Variants in KNL1 observed in about 807,000 individuals in gnomAD.
KNL1 encodes the protein kinetochore scaffold 1.
A neutral mutation model predicts 201.3 loss-of-function variants in KNL1; 66 were observed. That is an observed-to-expected ratio of 0.33 (90% CI 0.27 to 0.40). The LOEUF (loss-of-function observed/expected upper bound fraction) is 0.40, where lower values mean the gene tolerates loss of function less well. Among genes scored for constraint, KNL1 ranks in the 10% least tolerant of loss-of-function variants. The pLI, the probability that KNL1 is intolerant of heterozygous loss-of-function variation, is 1.00. For synonymous variants in KNL1, 895 were observed against 899.2 expected (o/e 1.00, Z 0.08); for missense variants, 2,815 against 2,690.5 (o/e 1.05, Z -1.02).
intron 1 of KNL1, among the ~76,000 whole-genome samples, chr15:40,599,399 C>G (rs563250455): frequency 2.7e-4 from 40 of 150,308 alleles, no homozygotes; most frequent in African/African-American, 8.3e-4. Flanking sequence ...TCCCCCACCC[C>G]CCGAGACAGG....
rs542703394 is a variant in KNL1, at chr15:40,596,765, C to T, written c.-18+2373C>T. Among the ~76,000 whole-genome samples the T allele has an allele frequency of 2.6e-5, 4 of 151,830 alleles. No homozygotes were observed. The South Asian group carries it at 6.3e-4, about 24-fold the overall frequency. ...CCTGTAATCCCAGCACTTTGGGAGG[C>T]CGAGGCAGGCAGATCACCTGAGATC... On this transcript the variant is annotated intron_variant, in intron 1 of 25. Coordinates refer to ENST00000399668, the MANE Select transcript of KNL1 (RefSeq NM_144508.5).
intron 17 of KNL1, among the ~76,000 whole-genome samples, chr15:40,647,660 C>T (rs1177760292): frequency 6.6e-6 from 1 of 151,946 alleles, no homozygotes; most frequent in Non-Finnish European, 1.5e-5. Context: ...TTTCATAATC[C>T]CAACTTTTTA....
chr15:40,650,464 CAG>C, intron 18 of KNL1, 78 bp from the exon 19 acceptor site: 3 of 1,560,032 alleles, frequency 1.9e-6, no homozygotes, highest in Non-Finnish European at 2.6e-6. Context: ...GAGATTAAGT[CAG>C]AATTTTCAAT....
intron 3 of KNL1, among the ~76,000 whole-genome samples, chr15:40,606,114 A>G (rs2141700999): frequency 6.6e-6 from 1 of 152,324 alleles, no homozygotes; most frequent in African/African-American, 2.4e-5. Flanking sequence ...AGATTGTTCT[A>G]GACAGAGCTA....
chr15:40,598,143 T>G (rs7178486), intron 1 of KNL1, among the ~76,000 whole-genome samples: 1 of 149,284 alleles, frequency 6.7e-6, no homozygotes, highest in Non-Finnish European at 1.5e-5. Flanking sequence ...CATTGCTCTC[T>G]AGCCTGGGCA....
chr15:40,612,349 G>A (rs149240635), intron 7 of KNL1, among the ~76,000 whole-genome samples: 1 of 149,722 alleles, frequency 6.7e-6, no homozygotes, highest in African/African-American at 2.5e-5. Context: ...AAATTAGCCA[G>A]GTATGGTGGC....
chr15:40,622,693 A>T lies in KNL1; in HGVS notation c.2429A>T (p.Lys810Ile). The T allele has an allele frequency of 6.3e-7, 1 of 1,591,666 alleles. No homozygotes were observed. The change falls in exon 10 of 26, where the codon AAA (lysine) becomes ATA (isoleucine). Residue 810 changes from lysine (K) to isoleucine (I), a missense_variant. Coordinates refer to ENST00000399668, the MANE Select transcript of KNL1 (RefSeq NM_144508.5). ...GCTGTAAAAGTTGAAAAATGTGGTA[A>T]AAGTCCCATAGAAAAAAGTGGAGTG... ...QIAVKVEKCGKSPIEKSGVLK... is the reference protein window; with the variant it reads ...QIAVKVEKCGISPIEKSGVLK...
chr15:40,599,191 G>A (rs1891707326), intron 1 of KNL1, among the ~76,000 whole-genome samples: 1 of 151,014 alleles, frequency 6.6e-6, no homozygotes, highest in Admixed American at 6.6e-5. Flanking sequence ...GGTGGCGGGT[G>A]CCTATAGTCC....
Position 40,623,725 on chromosome 15 carries a change from C to T in KNL1, c.3461C>T (p.Thr1154Ile), listed in dbSNP as rs748388890. 2.5e-6 allele frequency: 4 copies of T among 1,613,842 alleles called. No individual in the cohort carries two copies. The highest frequency in any genetic ancestry group is 3.4e-6 in the Non-Finnish European group (4 of 1,179,912). Residue 1154 changes from threonine (T) to isoleucine (I), a missense_variant, in exon 10 of 26, where the codon ACC becomes ATC. Around this residue, in one of 3 missense-constraint regions of KNL1, gnomAD observed 2,464 missense variants for 2,291.7 expected, o/e 1.08. Coordinates refer to ENST00000399668, the MANE Select transcript of KNL1 (RefSeq NM_144508.5). The part of the protein sequence containing the change: ...NEIAIRPMDK[T>I]VLFTDNYSDL... ...ATAGCTATTAGGCCCATGGACAAAA[C>T]CGTATTGTTCACAGATAATTACAGT... is the stretch of plus-strand genomic sequence containing the variant.
At position 40,660,664 on chromosome 15, in the gene KNL1, C is replaced by CAAA. The variant is rs35985022; in HGVS notation, c.6836+1222_6836+1224dup. Among the ~76,000 whole-genome samples the CAAA allele has an allele frequency of 8.3e-4, 73 of 88,448 alleles. 2 individuals carry two copies. Among genetic ancestry groups the CAAA allele is most frequent in the Admixed American group, 8.7e-4 (6 of 6,880 alleles). 58.0% of individuals were successfully genotyped at this position (88,448 alleles called of 152,430 possible). ...TGGGAGACAAAGCGAAACTCCGTCT[C>CAAA]AAAAAAAAAAAAAAAAAAAAAGTGC... On this transcript the variant is annotated intron_variant, in intron 25 of 25. Coordinates refer to ENST00000399668, the MANE Select transcript of KNL1 (RefSeq NM_144508.5).
At chr15:40,616,183 G>C (rs1292454545) in intron 8 of KNL1, among the ~76,000 whole-genome samples, 1 of 150,538 alleles carries the variant, frequency 6.6e-6, no homozygotes, top group Non-Finnish European at 1.5e-5. Context: ...GGGTGCAGTG[G>C]TGCAATCTGG....
rs964086168 is a variant in KNL1, at chr15:40,659,397, C to G, written c.6772C>G (p.Leu2258Val). The G allele has an allele frequency of 3.9e-5, 63 of 1,613,054 alleles. No individual in the cohort carries two copies. Among genetic ancestry groups the G allele is most frequent in the Non-Finnish European group, 5.2e-5 (61 of 1,179,154 alleles). ...TGCAAAGTTTGAAATAACTTTGTTT[C>G]TCTCAGCCTATTATCCATCTGTACC... is the stretch of plus-strand genomic sequence containing the variant. ...AFAKFEITLF[L>V]SAYYPSVPLP... The change falls in exon 25 of 26, where the codon CTC becomes GTC. Residue 2258 changes from leucine (L) to valine (V), a missense_variant. Coordinates refer to ENST00000399668, the MANE Select transcript of KNL1 (RefSeq NM_144508.5).
intron 7 of KNL1, among the ~76,000 whole-genome samples, chr15:40,614,090 G>T (rs1199115814): frequency 3.2e-5 from 4 of 126,902 alleles, no homozygotes; most frequent in Middle Eastern, 6.8e-3. Flanking sequence ...GAGCCACCAC[G>T]CCTGGCCCCC....
At chr15:40,639,440 C>T (rs889444349) in intron 13 of KNL1, among the ~76,000 whole-genome samples, 4 of 151,688 alleles carry the variant, frequency 2.6e-5, no homozygotes, top group African/African-American at 4.8e-5. Context: ...ACAAAAGTAG[C>T]CGGGCGTGGT....
At chr15:40,614,466 C>T (rs1341481075) in intron 7 of KNL1, among the ~76,000 whole-genome samples, 5 of 152,092 alleles carry the variant, frequency 3.3e-5, no homozygotes, top group South Asian at 4.1e-4. Context: ...CTCCTGACCT[C>T]GGGTGATCTG....
In KNL1 at chr15:40,605,090, A is replaced by C; in HGVS notation, c.36-20A>C. The C allele has an allele frequency of 7.7e-7, 1 of 1,306,312 alleles. No homozygotes were observed. The highest frequency in any genetic ancestry group is 1.2e-5 in the South Asian group (1 of 84,058). The allele number at this position is 1,306,312 out of a possible 1,614,324, so 80.9% of individuals were successfully genotyped here. On this transcript the variant is annotated intron_variant, in intron 2 of 25. Transcript: ENST00000399668. ...ATTTTTTTAAATCACTGTGTATATAATTTTGTTTTCCTTTTTCAGTGACAA... is the reference window on the plus strand; with the variant it reads ...ATTTTTTTAAATCACTGTGTATATACTTTTGTTTTCCTTTTTCAGTGACAA...
chr15:40,661,805 G>A (rs1387009783), intron 25 of KNL1, among the ~76,000 whole-genome samples: 1 of 152,176 alleles, frequency 6.6e-6, no homozygotes, highest in Non-Finnish European at 1.5e-5. Flanking sequence ...CACTTTGGGA[G>A]GCCGAGGTGG....
Position 40,654,892 on chromosome 15 carries a change from A to T in KNL1, c.6416-17A>T. The T allele has an allele frequency of 1.2e-6, 2 of 1,602,090 alleles. No homozygotes were observed. The highest frequency in any genetic ancestry group is 1.7e-6 in the Non-Finnish European group (2 of 1,172,228). The stretch of plus-strand genomic sequence containing the variant: ...TCTAAAAAAATTTTTAAAAATCATT[A>T]TTCTGGTTCTTTCTAGTTGGTTTCC... On this transcript the variant is annotated splice_polypyrimidine_tract_variant and intron_variant, in intron 21 of 25. Coordinates refer to ENST00000399668, the MANE Select transcript of KNL1 (RefSeq NM_144508.5).
At chr15:40,645,331 T>C (rs1893353176) in intron 15 of KNL1, among the ~76,000 whole-genome samples, 1 of 152,246 alleles carries the variant, frequency 6.6e-6, no homozygotes. Flanking sequence ...CTCCTTGCTA[T>C]TTGCCTTTCA....
Sources: allele counts gnomAD v4.1 joint callset (sites outside exome capture counted in the v4.1 genomes callset), GRCh38; gene constraint gnomAD v4.1.1; regional missense constraint gnomAD v4.1.1; transcripts MANE v1.5; gene names NCBI Gene and HGNC (gene_info 2026-07-23, HGNC 2026-07-21).